The following HEPHL1 variants were observed in gnomAD, a reference collection of about 807,000 sequenced individuals.
The protein encoded by HEPHL1 is ferroxidase HEPHL1.
A neutral mutation model predicts 122.0 loss-of-function variants in HEPHL1; 123 were observed. The ratio of observed to expected loss-of-function variants is 1.01; its 90% CI spans 0.87 to 1.17. The LOEUF (loss-of-function observed/expected upper bound fraction) is 1.17. HEPHL1 is among the 50% of genes most tolerant of loss of function. HEPHL1 has a pLI of 0.00. For synonymous variants in HEPHL1, 527 were observed against 508.9 expected (o/e 1.04, Z -0.48); for missense variants, 1,452 against 1,430.5 (o/e 1.01, Z -0.24).
At chr11:94,096,449 A>T (rs1031326974) in intron 13 of HEPHL1, among the ~76,000 whole-genome samples, 2 of 152,128 alleles carry the variant, frequency 1.3e-5, no homozygotes, top group African/African-American at 4.8e-5. Flanking sequence ...TTTTTGCATC[A>T]ATGTTCATTA....
intron 2 of HEPHL1, among the ~76,000 whole-genome samples, chr11:94,053,783 TATTTA>T (rs762455373): frequency 6.6e-6 from 1 of 152,320 alleles, no homozygotes; most frequent in African/African-American, 2.4e-5. Flanking sequence ...TTTCTGTAGA[TATTTA>T]ATTTAATTCC....
intron 1 of HEPHL1, among the ~76,000 whole-genome samples, chr11:94,030,982 G>C (rs1385225330): frequency 1.3e-5 from 2 of 152,172 alleles, no homozygotes; most frequent in Non-Finnish European, 2.9e-5. Flanking sequence ...CTCTGCTCCA[G>C]AGGCCAATCC....
chr11:94,033,145 C>G (rs775828436), intron 1 of HEPHL1, among the ~76,000 whole-genome samples: 7 of 152,118 alleles, frequency 4.6e-5, no homozygotes, highest in Non-Finnish European at 8.8e-5. Context: ...GCTTTCCTTC[C>G]TTTTGTTCCT....
At chr11:94,097,971 T>C (rs554220894) in intron 13 of HEPHL1, among the ~76,000 whole-genome samples, 1 of 152,334 alleles carries the variant, frequency 6.6e-6, no homozygotes, top group South Asian at 2.1e-4. Flanking sequence ...CTTTATCCAA[T>C]TTGCCAGTCT....
rs1591492325 is a variant in HEPHL1, at chr11:94,111,062, A to G, written c.3205A>G (p.Ile1069Val). Reference sequence around the variant, plus strand: ...GACAACCTACACGGTCCTTCGTAACATAGGTACGGTTGTCTGTCAGTGATG... The same window carrying G: ...GACAACCTACACGGTCCTTCGTAACGTAGGTACGGTTGTCTGTCAGTGATG... Reference protein sequence around the residue: ...METTYTVLRNIDNRIPYSTTS... With the variant: ...METTYTVLRNVDNRIPYSTTS... The change falls in exon 18 of 20, where the codon ATA becomes GTA. Residue 1069 changes from isoleucine to valine, a missense_variant. By Grantham distance (29) the Ile-to-Val change is conservative (BLOSUM62 3). Transcript: ENST00000315765. 6.3e-7 allele frequency: 1 copy of G among 1,582,464 alleles called. No homozygotes were observed. Among genetic ancestry groups the G allele is most frequent in the African/African-American group, 1.3e-5 (1 of 74,368 alleles).
At chr11:94,107,843 C>T (rs1946420634) in intron 17 of HEPHL1, among the ~76,000 whole-genome samples, 1 of 106,792 alleles carries the variant, frequency 9.4e-6, no homozygotes, top group Admixed American at 1.1e-4. Context: ...CAAGTCATTA[C>T]AAACATTTGT....
intron 1 of HEPHL1, among the ~76,000 whole-genome samples, chr11:94,025,479 C>T (rs1273043597): frequency 1.3e-5 from 2 of 152,164 alleles, no homozygotes; most frequent in African/African-American, 4.8e-5. Flanking sequence ...CCATAGACCT[C>T]ATTAGGCCAT....
intron 10 of HEPHL1, among the ~76,000 whole-genome samples, chr11:94,082,863 G>A (rs1946182835): frequency 6.6e-6 from 1 of 152,130 alleles, no homozygotes; most frequent in African/African-American, 2.4e-5. Context: ...TTGGGAGGCT[G>A]AGGTGGGCAG....
chr11:94,058,795 G>C (rs1394835129), intron 2 of HEPHL1, among the ~76,000 whole-genome samples: 1 of 151,860 alleles, frequency 6.6e-6, no homozygotes, highest in African/African-American at 2.4e-5. Flanking sequence ...CAAACTCCTG[G>C]CCTCTAGCAA....
At chr11:94,086,466 G>C (rs1005008031) in intron 11 of HEPHL1, among the ~76,000 whole-genome samples, 2 of 152,186 alleles carry the variant, frequency 1.3e-5, no homozygotes, top group Non-Finnish European at 2.9e-5. Context: ...TTGATTCACA[G>C]TCCATAAAAA....
intron 13 of HEPHL1, among the ~76,000 whole-genome samples, chr11:94,099,680 C>A (rs541357208): frequency 2.6e-5 from 4 of 152,162 alleles, no homozygotes; most frequent in Admixed American, 6.5e-5. Context: ...GCTTCCCAGC[C>A]GCTTTGTTTA....
At chr11:94,031,072 A>G (rs1945670620) in intron 1 of HEPHL1, among the ~76,000 whole-genome samples, 1 of 151,940 alleles carries the variant, frequency 6.6e-6, no homozygotes, top group African/African-American at 2.4e-5. Context: ...ATGCAAGAGA[A>G]TTTTGGCCCC....
At chr11:94,037,301 CGCCATTG>C (rs1945734875) in intron 1 of HEPHL1, among the ~76,000 whole-genome samples, 4 of 151,948 alleles carry the variant, frequency 2.6e-5, no homozygotes, top group African/African-American at 9.7e-5. Flanking sequence ...GAGGGGCGCC[CGCCATTG>C]CCCAGGCTTG....
chr11:94,064,021 A>T (rs192380370), intron 3 of HEPHL1, among the ~76,000 whole-genome samples: 210 of 152,284 alleles, frequency 1.4e-3, no homozygotes, highest in Middle Eastern at 3.4e-3. Context: ...TCATTATTTC[A>T]CCCAAATAAT....
intron 15 of HEPHL1, among the ~76,000 whole-genome samples, chr11:94,103,480 T>C (rs1431589172): frequency 6.6e-6 from 1 of 152,144 alleles, no homozygotes; most frequent in African/African-American, 2.4e-5. Context: ...GAAATCTGTT[T>C]ATTTTAAATG....
chr11:94,091,412 C>T (rs904983491), intron 12 of HEPHL1, among the ~76,000 whole-genome samples: 1 of 152,168 alleles, frequency 6.6e-6, no homozygotes. Context: ...ACAGGTTCTG[C>T]ACTGGTCACT....
chr11:94,053,082 TA>T (rs780951091), intron 2 of HEPHL1, among the ~76,000 whole-genome samples: 9 of 152,108 alleles, frequency 5.9e-5, no homozygotes, highest in Non-Finnish European at 1.3e-4. Context: ...AATTTTTATA[TA>T]AAACCACTGG....
chr11:94,060,252 G>A (rs554155514), intron 2 of HEPHL1, among the ~76,000 whole-genome samples: 5 of 150,922 alleles, frequency 3.3e-5, no homozygotes, highest in Non-Finnish European at 7.4e-5. Context: ...AGACATTAGT[G>A]AAGCAATCAT....
Position 94,111,903 on chromosome 11 carries a change from G to A in HEPHL1, c.*9G>A, listed in dbSNP as rs1946453749. ...CCACGGATGCTCTGTGAACCATCTG[G>A]TCTCCCTCAACAGGAAAGGGTGATG... On this transcript the variant is annotated 3_prime_UTR_variant, in exon 20 of 20. Coordinates refer to ENST00000315765, the MANE Select transcript of HEPHL1 (RefSeq NM_001098672.2). 5 of 1,502,766 alleles carry A rather than the reference G, an allele frequency of 3.3e-6. No individual in the cohort carries two copies. The South Asian group carries it at 5.6e-5, about 17-fold the overall frequency. 93.1% of individuals were successfully genotyped at this position (1,502,766 alleles called of 1,614,324 possible).
Sources: allele counts gnomAD v4.1 joint callset (sites outside exome capture counted in the v4.1 genomes callset), GRCh38; gene constraint gnomAD v4.1.1; transcripts MANE v1.5; gene names NCBI Gene and HGNC (gene_info 2026-07-23, HGNC 2026-07-21).